Variants in NEBL observed in about 807,000 individuals in gnomAD.
NEBL encodes the protein LIM and SH3 protein 2.
In NEBL, 122 loss-of-function variants were observed where a neutral mutation model predicts 140.2. That is an observed-to-expected ratio of 0.87 (90% CI 0.75 to 1.01). The LOEUF is 1.01. Ranked by LOEUF, NEBL falls within the 50% of genes least tolerant of loss-of-function variation. The probability of loss-of-function intolerance (pLI) is 0.00; values close to 1 mark genes in which losing one functional copy is unlikely to be tolerated. For missense variants in NEBL, 1,365 were observed against 1,231.3 expected, an observed-to-expected ratio of 1.11 and a Z score of -1.62; for synonymous variants, 436 against 398.9, an observed-to-expected ratio of 1.09 and a Z score of -1.11.
chr10:21,083,482 C>T (rs1189043009), intron 2 of NEBL, among the ~76,000 whole-genome samples: 2 of 152,106 alleles, frequency 1.3e-5, no homozygotes, highest in African/African-American at 2.4e-5. Context: ...TTTTGCAATG[C>T]TTGAAGAAGG....
chr10:21,183,275 G>A (rs879846863), intron 3 of NEBL, among the ~76,000 whole-genome samples: 1 of 152,184 alleles, frequency 6.6e-6, no homozygotes, highest in Non-Finnish European at 1.5e-5. Flanking sequence ...GGCAGAGAGG[G>A]AGGAAGATGG....
chr10:20,877,067 T>A (rs931247980), intron 5 of NEBL, among the ~76,000 whole-genome samples: 1 of 152,220 alleles, frequency 6.6e-6, no homozygotes, highest in African/African-American at 2.4e-5. Context: ...AAATTGAACT[T>A]CCTTTACTTG....
intron 2 of NEBL, among the ~76,000 whole-genome samples, chr10:21,102,716 G>A (rs1037356730): frequency 6.6e-6 from 1 of 152,164 alleles, no homozygotes; most frequent in African/African-American, 2.4e-5. Flanking sequence ...CCATGTACCT[G>A]TTGGAATTCT....
upstream of NEBL, among the ~76,000 whole-genome samples, chr10:20,902,106 T>C (rs1338379023): frequency 6.6e-6 from 1 of 151,996 alleles, no homozygotes; most frequent in Non-Finnish European, 1.5e-5. Flanking sequence ...AGTATGCTAT[T>C]AAGATTTAAT....
chr10:21,211,307 C>T (rs1045326169), intron 3 of NEBL, among the ~76,000 whole-genome samples: 19 of 141,680 alleles, frequency 1.3e-4, no homozygotes, highest in Admixed American at 6.7e-4. Flanking sequence ...AGGAAGACCG[C>T]GTTTCTACAA....
intron 3 of NEBL, among the ~76,000 whole-genome samples, chr10:21,229,780 C>A (rs373631713): frequency 8.5e-5 from 13 of 152,198 alleles, no homozygotes; most frequent in Admixed American, 8.5e-4. Context: ...ACCTTGACCA[C>A]GTCACATACC....
chr10:21,047,218 A>G (rs1489536923), intron 2 of NEBL, among the ~76,000 whole-genome samples: 1 of 152,172 alleles, frequency 6.6e-6, no homozygotes, highest in African/African-American at 2.4e-5. Context: ...CTCAAGAACA[A>G]AAATACAAGA....
At position 20,845,533 on chromosome 10, in the gene NEBL, T is replaced by G. The variant is rs1039610161; in HGVS notation, c.1117-165A>C. ...AATAAGTTCAACTTTGTCATAAATT[T>G]TAGAATTCTACCAAACAAAGGAGAA... On this transcript the variant is annotated intron_variant, in intron 11 of 27. Coordinates refer to ENST00000377122, the MANE Select transcript of NEBL (RefSeq NM_006393.3). 3.6e-5 allele frequency: 21 copies of G among 578,490 alleles called. No homozygotes were observed. The Admixed American group carries it at 5.4e-4, about 15-fold the overall frequency. The allele number at this position is 578,490 out of a possible 1,614,324, so 35.8% of individuals were successfully genotyped here.
intron 1 of NEBL, among the ~76,000 whole-genome samples, chr10:21,254,772 A>C (rs530085034): frequency 4.9e-4 from 74 of 152,248 alleles, no homozygotes; most frequent in African/African-American, 1.7e-3. Context: ...AGCTGCACCC[A>C]CCAGTAGCTG....
chr10:21,031,296 G>A (rs1833774119), intron 2 of NEBL, among the ~76,000 whole-genome samples: 1 of 152,152 alleles, frequency 6.6e-6, no homozygotes, highest in South Asian at 2.1e-4. Context: ...AACTACCCCA[G>A]GAAGAGAAAG....
chr10:21,252,803 A>T (rs1842603403), intron 1 of NEBL, among the ~76,000 whole-genome samples: 1 of 152,134 alleles, frequency 6.6e-6, no homozygotes, highest in Non-Finnish European at 1.5e-5. Flanking sequence ...TAAAAATACA[A>T]AATTAGCCAG....
intron 18 of NEBL, among the ~76,000 whole-genome samples, chr10:20,825,114 T>C (rs1839710025): frequency 1.3e-5 from 2 of 152,120 alleles, no homozygotes; most frequent in Admixed American, 6.6e-5. Context: ...CTGTAGACTT[T>C]TTATGCTTTT....
chr10:21,170,294 A>G, intron 2 of NEBL: 1 of 152,112 alleles, frequency 6.6e-6, no homozygotes, highest in East Asian at 1.9e-4. Context: ...AGGGCCACCC[A>G]AAGGCATTGT....
At chr10:20,818,533 A>G (rs1838964029) in intron 20 of NEBL, among the ~76,000 whole-genome samples, 1 of 152,228 alleles carries the variant, frequency 6.6e-6, no homozygotes. Flanking sequence ...TTGACTTGAT[A>G]CTATGTCTTA....
intron 2 of NEBL, among the ~76,000 whole-genome samples, chr10:21,087,250 AAATG>A (rs1836677327): frequency 6.6e-6 from 1 of 152,246 alleles, no homozygotes; most frequent in Non-Finnish European, 1.5e-5. Context: ...CTCACTAAAT[AAATG>A]AGTCAGTAAT....
In NEBL at chr10:20,941,993, T is replaced by C. The variant is rs545723821; in HGVS notation, c.357+19679A>G. Among the ~76,000 whole-genome samples, 22 of 152,218 alleles carry C rather than the reference T, an allele frequency of 1.4e-4. No individual in the cohort carries two copies. The East Asian group carries it at 3.7e-3, about 25-fold the overall frequency. ...GCTCATGGGTAGGAAGAATCAATATTGTGAAAATGGCCACACTGCCCAAGG... is the reference window on the plus strand; with the variant it reads ...GCTCATGGGTAGGAAGAATCAATATCGTGAAAATGGCCACACTGCCCAAGG... On this transcript the variant is annotated intron_variant, in intron 4 of 6. Coordinates refer to the NEBL transcript ENST00000417816.
At chr10:21,195,802 CA>C (rs889163938) in intron 3 of NEBL, among the ~76,000 whole-genome samples, 1 of 152,000 alleles carries the variant, frequency 6.6e-6, no homozygotes, top group African/African-American at 2.4e-5. Flanking sequence ...TCAAAGTTAC[CA>C]AAATATACTA....
Position 20,889,951 on chromosome 10 carries a change from T to TA in NEBL, c.154-3dup, listed in dbSNP as rs751577413. Reference sequence around the variant, plus strand: ...TTTAAACTCTTCTTTATAACGGATCTAAAAAAGAGAATGATTTACATAAGA... The same window carrying TA: ...TTTAAACTCTTCTTTATAACGGATCTAAAAAAAGAGAATGATTTACATAAGA... On this transcript the variant is annotated splice_region_variant and splice_polypyrimidine_tract_variant and intron_variant, in intron 2 of 27. Coordinates refer to ENST00000377122, the MANE Select transcript of NEBL (RefSeq NM_006393.3). The TA allele has an allele frequency of 7.7e-6, 12 of 1,555,150 alleles. No individual in the cohort carries two copies. In the East Asian group the frequency reaches 2.5e-4, roughly 32 times the overall value.
chr10:21,119,400 G>A (rs1413754637), intron 2 of NEBL, among the ~76,000 whole-genome samples: 1 of 150,270 alleles, frequency 6.7e-6, no homozygotes, highest in Non-Finnish European at 1.5e-5. Context: ...TATATGTGCA[G>A]GTATAAAGCA....
Sources: allele counts gnomAD v4.1 joint callset (sites outside exome capture counted in the v4.1 genomes callset), GRCh38; gene constraint gnomAD v4.1.1; transcripts MANE v1.5; gene names NCBI Gene and HGNC (gene_info 2026-07-23, HGNC 2026-07-21).